The following GUCA1C variants were observed in gnomAD, a reference collection of about 807,000 sequenced individuals.
GUCA1C encodes the protein guanylate cyclase activator 1C.
A neutral mutation model predicts 16.2 loss-of-function variants in GUCA1C; 15 were observed. The observed-to-expected ratio is 0.93, with a 90% CI of 0.62 to 1.43. The LOEUF (loss-of-function observed/expected upper bound fraction) is 1.43, where lower values mean the gene tolerates loss of function less well. GUCA1C is among the 40% of genes most tolerant of loss of function. GUCA1C has a pLI of 0.00. For synonymous variants in GUCA1C, 78 were observed against 85.4 expected (o/e 0.91, Z 0.48); for missense variants, 275 against 244.8 (o/e 1.12, Z -0.82).
At chr3:108,909,586 T>C (rs143879485) in intron 3 of GUCA1C, among the ~76,000 whole-genome samples, 1 of 152,272 alleles carries the variant, frequency 6.6e-6, no homozygotes, top group East Asian at 1.9e-4. Context: ...TGGAGACAGT[T>C]TTGACTGTTT....
At chr3:108,917,406 A>T (rs1306302967) in intron 2 of GUCA1C, among the ~76,000 whole-genome samples, 5 of 152,158 alleles carry the variant, frequency 3.3e-5, no homozygotes, top group Non-Finnish European at 5.9e-5. Context: ...ATATTTTTGG[A>T]GGGAGTCCTC....
chr3:108,947,437 C>T (rs1163151336), intron 1 of GUCA1C, among the ~76,000 whole-genome samples: 1 of 152,020 alleles, frequency 6.6e-6, no homozygotes, highest in Non-Finnish European at 1.5e-5. Context: ...ACAGTTCAAA[C>T]CTGTGTTGTT....
chr3:108,953,417 C>T (rs1946916011), intron 1 of GUCA1C, 142 bp downstream of exon 1: 1 of 619,242 alleles, frequency 1.6e-6, no homozygotes, highest in Non-Finnish European at 2.9e-6. Context: ...CACTTACCTA[C>T]AAGCTGTGAG....
chr3:108,950,928 A>G (rs1946890448), intron 1 of GUCA1C, among the ~76,000 whole-genome samples: 1 of 152,194 alleles, frequency 6.6e-6, no homozygotes, highest in Admixed American at 6.5e-5. Flanking sequence ...TATTACACAG[A>G]ATGTAACAAC....
chr3:108,908,288 T>C, intron 3 of GUCA1C, 79 bp from the exon 4 acceptor site: 1 of 749,778 alleles, frequency 1.3e-6, no homozygotes, highest in South Asian at 2.4e-5. Flanking sequence ...CTGGTATGTT[T>C]ATTGATATTC....
At chr3:108,910,723 G>C (rs147758246) in intron 3 of GUCA1C, among the ~76,000 whole-genome samples, 2,991 of 151,052 alleles carry the variant, frequency 0.02, 96 homozygotes, top group African/African-American at 0.065. Context: ...TATCTCGGCT[G>C]ACTGCAAGCT....
intron 3 of GUCA1C, among the ~76,000 whole-genome samples, chr3:108,911,454 A>G (rs1313862991): frequency 1.3e-5 from 2 of 152,200 alleles, no homozygotes; most frequent in African/African-American, 4.8e-5. Flanking sequence ...TGGGGCTGGA[A>G]CAGTAGCAAA....
intron 1 of GUCA1C, among the ~76,000 whole-genome samples, chr3:108,938,074 A>G (rs1295682254): frequency 1.3e-5 from 2 of 152,168 alleles, no homozygotes; most frequent in Non-Finnish European, 2.9e-5. Flanking sequence ...AAAAAAACAA[A>G]AAACACAGAA....
intron 1 of GUCA1C, among the ~76,000 whole-genome samples, chr3:108,934,686 G>A (rs150401181): frequency 1.3e-5 from 2 of 151,818 alleles, no homozygotes; most frequent in South Asian, 2.1e-4. Flanking sequence ...CTATGCAGCC[G>A]AAAAACAGAA....
intron 1 of GUCA1C, among the ~76,000 whole-genome samples, chr3:108,926,035 T>C (rs1284333853): frequency 6.6e-6 from 1 of 151,822 alleles, no homozygotes; most frequent in Non-Finnish European, 1.5e-5. Context: ...TGCAGTGAGC[T>C]GAGATCATGC....
intron 1 of GUCA1C, among the ~76,000 whole-genome samples, chr3:108,939,298 CTG>C (rs1011124520): frequency 8.5e-6 from 1 of 117,768 alleles, no homozygotes; most frequent in African/African-American, 3.2e-5. Context: ...GGTTATATAA[CTG>C]TTAATATATT....
intron 1 of GUCA1C, among the ~76,000 whole-genome samples, chr3:108,934,356 CA>C (rs967846436): frequency 8.0e-4 from 122 of 152,018 alleles, no homozygotes; most frequent in African/African-American, 2.8e-3. Context: ...TTTAAAAAGT[CA>C]AAAAACAATA....
intron 3 of GUCA1C, among the ~76,000 whole-genome samples, chr3:108,911,977 G>A (rs1444844441): frequency 2.0e-5 from 3 of 151,746 alleles, no homozygotes; most frequent in Non-Finnish European, 4.4e-5. Flanking sequence ...GTAGTGGTGG[G>A]TGACTGTAAT....
chr3:108,949,860 T>C (rs532404267), intron 1 of GUCA1C, among the ~76,000 whole-genome samples: 3 of 152,204 alleles, frequency 2.0e-5, no homozygotes, highest in Non-Finnish European at 4.4e-5. Context: ...TCTATATCCA[T>C]CACCTTATCA....
chr3:108,931,863 TTC>T (rs1491045927), intron 1 of GUCA1C, among the ~76,000 whole-genome samples: 119 of 550 alleles, frequency 0.22, 4 homozygotes, highest in Non-Finnish European at 0.29. Context: ...TTTTTCTTCC[TTC>T]TTTTTTTTTT....
At chr3:108,930,214 G>A (rs1264879442) in intron 1 of GUCA1C, among the ~76,000 whole-genome samples, 2 of 152,212 alleles carry the variant, frequency 1.3e-5, no homozygotes, top group Non-Finnish European at 2.9e-5. Context: ...GCTGCAGGCT[G>A]TAGTCTTTCT....
chr3:108,917,935 C>T (rs548942421), intron 2 of GUCA1C, among the ~76,000 whole-genome samples: 1 of 152,242 alleles, frequency 6.6e-6, no homozygotes, highest in South Asian at 2.1e-4. Flanking sequence ...ATCCTAGCTA[C>T]TCAGGAGGCT....
At chr3:108,953,431 C>T (rs915262129) in intron 1 of GUCA1C, 128 bp downstream of exon 1, 9 of 640,112 alleles carry the variant, frequency 1.4e-5, no homozygotes, top group Admixed American at 2.8e-5. Flanking sequence ...CTGTGAGTTG[C>T]CTGAAGACCT....
intron 3 of GUCA1C, among the ~76,000 whole-genome samples, chr3:108,908,440 C>T (rs1946413852): frequency 6.8e-6 from 1 of 147,428 alleles, no homozygotes; most frequent in South Asian, 2.2e-4. Flanking sequence ...TAGTTGAAAA[C>T]ATCAGGTAAT....
Sources: gnomAD v4.1 joint callset for allele counts (sites outside exome capture counted in the v4.1 genomes callset) on GRCh38, gnomAD v4.1.1 for gene constraint, MANE v1.5 for transcripts, NCBI Gene and HGNC (gene_info 2026-07-23, HGNC 2026-07-21) for gene names.